AJAP1: variants seen among roughly 807,000 people sequenced by gnomAD.
AJAP1 encodes the protein adherens junction-associated protein 1.
A neutral mutation model predicts 35.0 loss-of-function variants in AJAP1; 5 were observed. The ratio of observed to expected loss-of-function variants is 0.14; its 90% CI spans 0.07 to 0.30. The LOEUF is 0.30. AJAP1 is among the 10% of genes least tolerant of loss of function. AJAP1 has a pLI of 1.00. For synonymous variants in AJAP1, 284 were observed against 249.3 expected (o/e 1.14, Z -1.31); for missense variants, 586 against 571.0 (o/e 1.03, Z -0.27).
At chr1:4,674,478 A>G (rs1639318512) in intron 1 of AJAP1, among the ~76,000 whole-genome samples, 1 of 152,254 alleles carries the variant, frequency 6.6e-6, no homozygotes. Context: ...AAAGCCTAAA[A>G]CATTTTCTGT....
At chr1:4,683,620 A>C (rs1395923017) in intron 1 of AJAP1, among the ~76,000 whole-genome samples, 1 of 152,248 alleles carries the variant, frequency 6.6e-6, no homozygotes, top group African/African-American at 2.4e-5. Context: ...TTCGTCCTGC[A>C]CTGGGTACCC....
At chr1:4,657,919 A>G (rs989238288) in intron 1 of AJAP1, among the ~76,000 whole-genome samples, 1 of 152,066 alleles carries the variant, frequency 6.6e-6, no homozygotes, top group Admixed American at 6.6e-5. Flanking sequence ...GCAGAGCTCC[A>G]AAGATACTTT....
chr1:4,716,040 G>T (rs532241266), intron 2 of AJAP1, among the ~76,000 whole-genome samples: 50 of 152,202 alleles, frequency 3.3e-4, no homozygotes, highest in Non-Finnish European at 6.2e-4. Flanking sequence ...TTTTATTTTT[G>T]TTTCTGCAGA....
At chr1:4,766,029 A>C (rs1228706899) in intron 2 of AJAP1, among the ~76,000 whole-genome samples, 1 of 152,208 alleles carries the variant, frequency 6.6e-6, no homozygotes, top group African/African-American at 2.4e-5. Flanking sequence ...CCAAGCATTA[A>C]CCGATCATCC....
intron 2 of AJAP1, among the ~76,000 whole-genome samples, chr1:4,752,594 C>G (rs910063295): frequency 1.3e-5 from 2 of 152,158 alleles, no homozygotes; most frequent in African/African-American, 4.8e-5. Flanking sequence ...AGCACAGCTT[C>G]CAGCATGCAG....
intron 3 of AJAP1, 103 bp downstream of exon 3, chr1:4,770,043 C>T (rs1054558134): frequency 5.7e-6 from 6 of 1,048,758 alleles, no homozygotes; most frequent in Middle Eastern, 2.2e-4. Context: ...GCCTGTTCTG[C>T]TGGCTTCTGC....
At chr1:4,697,984 C>A (rs1410376785) in intron 1 of AJAP1, among the ~76,000 whole-genome samples, 2 of 152,206 alleles carry the variant, frequency 1.3e-5, no homozygotes, top group Non-Finnish European at 2.9e-5. Flanking sequence ...GGGGTGGTGG[C>A]GGGCAGCCGG....
At chr1:4,753,195 G>T (rs1204466885) in intron 2 of AJAP1, among the ~76,000 whole-genome samples, 1 of 152,216 alleles carries the variant, frequency 6.6e-6, no homozygotes, top group African/African-American at 2.4e-5. Context: ...ATGGAAAATA[G>T]GTTGAGGGGA....
intron 2 of AJAP1, among the ~76,000 whole-genome samples, chr1:4,740,961 G>C (rs529853): frequency 0.23 from 35,603 of 151,814 alleles, 4,629 homozygotes; most frequent in Non-Finnish European, 0.3. Flanking sequence ...CGAAGACTTG[G>C]GGCCAAGGAC....
At chr1:4,663,649 C>T (rs1214635167) in intron 1 of AJAP1, among the ~76,000 whole-genome samples, 1 of 152,108 alleles carries the variant, frequency 6.6e-6, no homozygotes, top group Non-Finnish European at 1.5e-5. Flanking sequence ...ATGAGGGTCT[C>T]GGCTCAACTG....
At position 4,688,766 on chromosome 1, in the gene AJAP1, C is replaced by A. The variant is rs538402040; in HGVS notation, c.30-23134C>A. On this transcript the variant is annotated intron_variant, in intron 1 of 5. Transcript: ENST00000378191. ...CAGCCTAGGTGACAGAGTGAGACTC[C>A]GTCTCAAAAAAAAAAAAAAAAAAAA... Among the ~76,000 whole-genome samples the A allele has an allele frequency of 4.7e-5, 5 of 106,016 alleles. 1 individual carries two copies. The highest frequency in any genetic ancestry group is 1.9e-5 in the Non-Finnish European group (1 of 53,722). The allele number at this position is 106,016 out of a possible 152,430, so 69.6% of individuals were successfully genotyped here. A position where few individuals can be genotyped will look rare whatever the true frequency, so the allele number is the denominator to read the frequency against.
At chr1:4,729,741 A>G (rs1640756023) in intron 2 of AJAP1, among the ~76,000 whole-genome samples, 1 of 152,202 alleles carries the variant, frequency 6.6e-6, no homozygotes, top group African/African-American at 2.4e-5. Context: ...TCTCCAAATA[A>G]GGTCACAGTT....
At chr1:4,770,087 G>A (rs533070992) in intron 3 of AJAP1, 147 bp downstream of exon 3, 33 of 720,952 alleles carry the variant, frequency 4.6e-5, no homozygotes, top group South Asian at 1.9e-4. Context: ...GCTGCTCACC[G>A]TCCAGCGCTG....
At chr1:4,671,807 G>T (rs1207446417) in intron 1 of AJAP1, among the ~76,000 whole-genome samples, 1 of 152,224 alleles carries the variant, frequency 6.6e-6, no homozygotes, top group Non-Finnish European at 1.5e-5. Context: ...ACCAGAAAAT[G>T]TAATTAATGG....
chr1:4,705,930 T>G (rs1256303844), intron 1 of AJAP1, among the ~76,000 whole-genome samples: 1 of 152,168 alleles, frequency 6.6e-6, no homozygotes, highest in East Asian at 1.9e-4. Context: ...TTATGCACCA[T>G]GACGCTGTGG....
In AJAP1 at chr1:4,772,490, G is replaced by A. The variant is rs559785406; in HGVS notation, c.1128G>A (p.Thr376=). ...ACACCGATGAGACGCTGCACTCGACGACGGGGGAGTACAAATCCACATTTA... is the reference window on the plus strand; with the variant it reads ...ACACCGATGAGACGCTGCACTCGACAACGGGGGAGTACAAATCCACATTTA... ...PVYTDETLHS[T]TGEYKSTFNG... Residue 376 remains threonine (T), a synonymous_variant, in exon 4 of 6, where the codon ACG becomes ACA. Coordinates refer to ENST00000378191, the MANE Select transcript of AJAP1 (RefSeq NM_018836.4). 22 of 1,614,198 alleles carry A rather than the reference G, an allele frequency of 1.4e-5. 1 individual carries two copies. In the Admixed American group the frequency reaches 2.3e-4, roughly 17 times the overall value.
chr1:4,745,938 C>T (rs567659705), intron 2 of AJAP1, among the ~76,000 whole-genome samples: 2 of 152,196 alleles, frequency 1.3e-5, no homozygotes, highest in African/African-American at 4.8e-5. Context: ...AGTGTCTCAG[C>T]CTCTCCCAGC....
At chr1:4,766,628 T>C (rs1248609013) in intron 2 of AJAP1, among the ~76,000 whole-genome samples, 1 of 152,190 alleles carries the variant, frequency 6.6e-6, no homozygotes. Context: ...CAGGAGCCCA[T>C]TGAAACCCAC....
At chr1:4,675,769 G>A (rs796413223) in intron 1 of AJAP1, among the ~76,000 whole-genome samples, 2 of 152,334 alleles carry the variant, frequency 1.3e-5, no homozygotes, top group African/African-American at 2.4e-5. Flanking sequence ...TTACACCAGC[G>A]ACCAGGTGCC....
Sources: allele counts gnomAD v4.1 joint callset (sites outside exome capture counted in the v4.1 genomes callset), GRCh38; gene constraint gnomAD v4.1.1; transcripts MANE v1.5; gene names NCBI Gene and HGNC (gene_info 2026-07-23, HGNC 2026-07-21).